The following RBM33 variants were observed in gnomAD, a reference collection of about 807,000 sequenced individuals.
RBM33 encodes RNA-binding protein 33.
A neutral mutation model predicts 132.6 loss-of-function variants in RBM33; 28 were observed. The observed-to-expected ratio is 0.21, with a 90% CI of 0.16 to 0.29. RBM33 has a LOEUF of 0.29. RBM33 is among the 10% of genes least tolerant of loss of function. RBM33 has a pLI of 1.00. For synonymous variants in RBM33, 634 were observed against 593.0 expected (o/e 1.07, Z -1.01); for missense variants, 1,291 against 1,518.5 (o/e 0.85, Z 2.49).
intron 1 of RBM33, among the ~76,000 whole-genome samples, chr7:155,661,560 A>G (rs1302184577): frequency 6.6e-6 from 1 of 151,764 alleles, no homozygotes; most frequent in Admixed American, 6.6e-5. Context: ...GGTGTGTGCC[A>G]TCACATCTGG....
chr7:155,706,718 C>G (rs578250569), intron 6 of RBM33, 142 bp from the exon 7 acceptor site: 1 of 635,418 alleles, frequency 1.6e-6, no homozygotes, highest in East Asian at 2.8e-5. Flanking sequence ...TCGTACTTGC[C>G]GCTGCTAGTT....
chr7:155,725,795 G>A (rs1165415553), intron 9 of RBM33, among the ~76,000 whole-genome samples: 1 of 152,186 alleles, frequency 6.6e-6, no homozygotes, highest in Non-Finnish European at 1.5e-5. Context: ...TTATCCTAAT[G>A]TATTTAAATT....
intron 1 of RBM33, among the ~76,000 whole-genome samples, chr7:155,648,127 T>C (rs1284768024): frequency 1.3e-5 from 2 of 152,180 alleles, no homozygotes; most frequent in Non-Finnish European, 2.9e-5. Flanking sequence ...ATGGGAAATT[T>C]CAAACACATC....
intron 5 of RBM33, among the ~76,000 whole-genome samples, chr7:155,690,623 G>A (rs779740998): frequency 6.6e-6 from 1 of 152,038 alleles, no homozygotes; most frequent in Non-Finnish European, 1.5e-5. Flanking sequence ...TCCTTTCCAC[G>A]TTTACTGCTT....
rs1308680528 is a variant in RBM33, at chr7:155,776,084, CTG to C, written c.*1047_*1048del. ...TCTTCCAGCCCCAAATGAGACGAGT[CTG>C]TGTCATCATTGAAACTGCTTTTCGT... is the stretch of plus-strand genomic sequence containing the variant. On this transcript the variant is annotated 3_prime_UTR_variant, in exon 18 of 18. Transcript: ENST00000401878. This position sits in a 1 kb window ranked among gnomAD's most constrained non-coding sequence, Gnocchi z 4.0. The C allele has an allele frequency of 6.6e-6, 1 of 152,412 alleles. No homozygotes were observed. 9.4% of individuals were successfully genotyped at this position (152,412 alleles called of 1,614,324 possible).
chr7:155,669,795 G>T (rs1472822997), intron 2 of RBM33, among the ~76,000 whole-genome samples: 2 of 152,204 alleles, frequency 1.3e-5, no homozygotes, highest in Non-Finnish European at 2.9e-5. Flanking sequence ...AGTGAAGGCT[G>T]TTGGGGGAGG....
chr7:155,776,841 AT>A lies in RBM33; in HGVS notation c.*1803del, dbSNP rs1309998860. On this transcript the variant is annotated 3_prime_UTR_variant, in exon 18 of 18. Transcript: ENST00000401878. The surrounding 1 kb of genome is among the most constrained non-coding windows in gnomAD (Gnocchi z 4.0). Reference sequence around the variant, plus strand: ...TTCCCATGGCTGTCACTGCCCACTCATTTCCACAGTTAGATACGGATGTGTT... The same window carrying A: ...TTCCCATGGCTGTCACTGCCCACTCATTCCACAGTTAGATACGGATGTGTT... The A allele has an allele frequency of 2.6e-5, 4 of 152,392 alleles. No homozygotes were observed. Among genetic ancestry groups the A allele is most frequent in the Admixed American group, 2.6e-4 (4 of 15,312 alleles). The allele number at this position is 152,392 out of a possible 1,614,324, so 9.4% of individuals were successfully genotyped here.
At chr7:155,752,265 C>A (rs1217542413) in intron 14 of RBM33, among the ~76,000 whole-genome samples, 1 of 151,872 alleles carries the variant, frequency 6.6e-6, no homozygotes, top group African/African-American at 2.4e-5. Context: ...GTGCCCACTG[C>A]TTTTGTCTGT....
chr7:155,712,197 A>G (rs1167708345), intron 8 of RBM33, among the ~76,000 whole-genome samples: 3 of 152,208 alleles, frequency 2.0e-5, no homozygotes, highest in Non-Finnish European at 4.4e-5. Context: ...GCCCCCCTTC[A>G]ATTCCAGTGT....
At chr7:155,749,397 C>G (rs2117043656) in intron 14 of RBM33, among the ~76,000 whole-genome samples, 1 of 152,334 alleles carries the variant, frequency 6.6e-6, no homozygotes, top group East Asian at 1.9e-4. Flanking sequence ...CTAGGGCCGC[C>G]GCACACCTAC....
At chr7:155,674,202 C>T (rs535982382) in intron 3 of RBM33, among the ~76,000 whole-genome samples, 113 of 151,870 alleles carry the variant, frequency 7.4e-4, no homozygotes, top group African/African-American at 2.6e-3. Context: ...GAAATACATC[C>T]GTATAAGTTG....
intron 3 of RBM33, 25 bp downstream of exon 3, chr7:155,672,940 A>G (rs1798985423): frequency 2.7e-6 from 4 of 1,461,402 alleles, no homozygotes; most frequent in East Asian, 5.0e-5. Flanking sequence ...TCCTTCTGAG[A>G]TGAAATACTA....
At chr7:155,683,093 A>C (rs73734195) in intron 5 of RBM33, among the ~76,000 whole-genome samples, 4,721 of 151,806 alleles carry the variant, frequency 0.031, 237 homozygotes, top group African/African-American at 0.11. Flanking sequence ...TAGTAGTTCA[A>C]TGTCTTTCTG....
At chr7:155,759,524 T>C (rs1033016314) in intron 14 of RBM33, among the ~76,000 whole-genome samples, 4 of 151,106 alleles carry the variant, frequency 2.6e-5, no homozygotes, top group Non-Finnish European at 2.9e-5. Flanking sequence ...TTCACGCCAT[T>C]CTCCTGCCTC....
chr7:155,766,947 T>A (rs1303644679), intron 16 of RBM33: 2 of 365,150 alleles, frequency 5.5e-6, no homozygotes, highest in Non-Finnish European at 4.9e-6. Context: ...CTTGCACACA[T>A]ACATACAAAA....
chr7:155,737,490 T>C (rs1469223320), intron 9 of RBM33, 40 bp from the exon 10 acceptor site: 1 of 1,541,648 alleles, frequency 6.5e-7, no homozygotes, highest in Non-Finnish European at 8.7e-7. Flanking sequence ...CATTTTTCTG[T>C]CCTTCACCCT....
chr7:155,675,226 G>A (rs572358472), intron 3 of RBM33, among the ~76,000 whole-genome samples: 5 of 150,752 alleles, frequency 3.3e-5, no homozygotes, highest in African/African-American at 9.8e-5. Context: ...CCTGGGAGGC[G>A]GAGGTTGCAG....
intron 9 of RBM33, among the ~76,000 whole-genome samples, chr7:155,724,991 TGTGTGTGTG>T (rs1800743752): frequency 1.9e-5 from 1 of 51,570 alleles, no homozygotes; most frequent in African/African-American, 5.1e-5. Context: ...TGTACAGGTT[TGTGTGTGTG>T]TGTGTGTGTG....
intron 1 of RBM33, among the ~76,000 whole-genome samples, chr7:155,646,901 A>T (rs1373894583): frequency 6.6e-6 from 1 of 152,236 alleles, no homozygotes; most frequent in Non-Finnish European, 1.5e-5. Context: ...ACATTTGGTG[A>T]ATGAATTAAA....
Sources: gnomAD v4.1 joint callset for allele counts (sites outside exome capture counted in the v4.1 genomes callset) on GRCh38, gnomAD v4.1.1 for gene constraint, Gnocchi (gnomAD v3.1) non-coding constraint, MANE v1.5 for transcripts, NCBI Gene and HGNC (gene_info 2026-07-23, HGNC 2026-07-21) for gene names.